Variants in SIGLEC12 observed in about 807,000 individuals in gnomAD.
The protein encoded by SIGLEC12 is sialic acid-binding Ig-like lectin 12.
In SIGLEC12, 43 loss-of-function variants were observed where a neutral mutation model predicts 54.1. The ratio of observed to expected loss-of-function variants is 0.80; its 90% CI spans 0.62 to 1.03. The LOEUF (loss-of-function observed/expected upper bound fraction) is 1.03. Among genes scored for constraint, SIGLEC12 ranks in the 50% least tolerant of loss-of-function variants. SIGLEC12 has a pLI of 0.00. For synonymous variants in SIGLEC12, 357 were observed against 307.6 expected (o/e 1.16, Z -1.68); for missense variants, 802 against 735.2 (o/e 1.09, Z -1.05).
chr19:51,496,056 T>C (rs1568529321), intron 7 of SIGLEC12, among the ~76,000 whole-genome samples: 2 of 152,194 alleles, frequency 1.3e-5, no homozygotes, highest in Non-Finnish European at 2.9e-5. Flanking sequence ...GGGCTGGGAT[T>C]GGAGCAAAGC....
chr19:51,501,232 A>T, intron 1 of SIGLEC12, 75 bp downstream of exon 1: 1 of 1,481,004 alleles, frequency 6.8e-7, no homozygotes, highest in African/African-American at 1.4e-5. Flanking sequence ...CTCCCAGGAC[A>T]TGTGTCCCGT....
chr19:51,496,738 C>G, intron 7 of SIGLEC12, 142 bp downstream of exon 7: 1 of 840,990 alleles, frequency 1.2e-6, no homozygotes, highest in Non-Finnish European at 1.9e-6. Flanking sequence ...GCAATGAAAG[C>G]TGTTCTTAGG....
chr19:51,499,147 C>A (rs1990321543), intron 4 of SIGLEC12, 23 bp downstream of exon 4: 2 of 1,613,366 alleles, frequency 1.2e-6, no homozygotes, highest in Non-Finnish European at 1.7e-6. Flanking sequence ...TCCTCCAGCC[C>A]CAGGGAGAGG....
rs139765594 is a variant in SIGLEC12, at chr19:51,501,397, C to G, written c.337G>C (p.Glu113Gln). 6.2e-7 allele frequency: 1 copy of G among 1,614,122 alleles called. No individual in the cohort carries two copies. The highest frequency in any genetic ancestry group is 8.5e-7 in the Non-Finnish European group (1 of 1,180,048). Residue 113 changes from glutamate to glutamine, a missense_variant, in exon 1 of 8, where the codon GAG becomes CAG. By Grantham distance (29) the Glu-to-Gln change is conservative. Coordinates refer to ENST00000291707, the MANE Select transcript of SIGLEC12 (RefSeq NM_053003.4). ...AAGACGTATGTCCCTGCATCACTCT[C>G]TCTGGTGTCTCTGATGCTCAGGGTA... ...DCTLSIRDTR[E>Q]SDAGTYVFCV...
At chr19:51,498,953 C>A (rs1230240344) in intron 4 of SIGLEC12, among the ~76,000 whole-genome samples, 1 of 152,160 alleles carries the variant, frequency 6.6e-6, no homozygotes, top group East Asian at 1.9e-4. Context: ...TGTCCCTCTA[C>A]CCTTGCTGTG....
chr19:51,499,765 T>C lies in SIGLEC12; in HGVS notation c.809-49A>G, dbSNP rs376648193. ...AAAATGAGGGTGTTGGGGTCTGAAG[T>C]GTGGTGCTGAGGAGGCTCAGGCTCT... is the stretch of plus-strand genomic sequence containing the variant. On this transcript the variant is annotated intron_variant, in intron 2 of 7. Transcript: ENST00000291707. 127 of 1,601,848 alleles carry C rather than the reference T, an allele frequency of 7.9e-5. 1 individual carries two copies. In the African/African-American group the frequency reaches 1.4e-3, roughly 18 times the overall value.
Position 51,498,065 on chromosome 19 carries a change from C to T in SIGLEC12, c.1358G>A (p.Gly453Asp). The T allele has an allele frequency of 6.2e-7, 1 of 1,614,220 alleles. No homozygotes were observed. Among genetic ancestry groups the T allele is most frequent in the Non-Finnish European group, 8.5e-7 (1 of 1,180,042 alleles). ...GAGGCTCAGGGAAATGTGCTGGGAG[C>T]CTAGAGGGTTCTGAGCTCGGCAGGT... is the stretch of plus-strand genomic sequence containing the variant. ...EFTCRAQNPL[G>D]SQHISLSLSL... The change falls in exon 5 of 8, where the codon GGC becomes GAC. Residue 453 changes from glycine (G) to aspartate (D), a missense_variant. Transcript: ENST00000291707.
At chr19:51,497,029 G>C in intron 6 of SIGLEC12, 53 bp from the exon 7 acceptor site, 2 of 1,611,790 alleles carry the variant, frequency 1.2e-6, no homozygotes, top group Non-Finnish European at 1.7e-6. Flanking sequence ...GGGTGCAGTG[G>C]GCAGACCAAC....
At chr19:51,494,246 T>TA (rs1042885810) in intron 7 of SIGLEC12, among the ~76,000 whole-genome samples, 11 of 152,072 alleles carry the variant, frequency 7.2e-5, no homozygotes, top group Admixed American at 6.6e-4. Flanking sequence ...CAGAATATAT[T>TA]AAAAAAATTC....
intron 7 of SIGLEC12, among the ~76,000 whole-genome samples, chr19:51,492,755 G>T (rs1990140432): frequency 1.3e-5 from 2 of 152,288 alleles, no homozygotes; most frequent in Non-Finnish European, 2.9e-5. Context: ...AGCTGGAAAA[G>T]GTGAGAAAGC....
chr19:51,500,142 C>A lies in SIGLEC12; in HGVS notation c.586G>T (p.Asp196Tyr). The A allele has an allele frequency of 6.2e-7, 1 of 1,614,138 alleles. No individual in the cohort carries two copies. The highest frequency in any genetic ancestry group is 1.1e-5 in the South Asian group (1 of 91,084). ...VYGSWFKEGA[D>Y]IPWDIPVATN... is the part of the protein sequence containing the mutation. The stretch of plus-strand genomic sequence containing the variant: ...GCCACTGGAATATCCCATGGTATAT[C>A]GGCCCCTTCCTTGAACCAGGATCCA... Residue 196 changes from aspartate to tyrosine, a missense_variant, in exon 2 of 8, where the codon GAT becomes TAT. Asp to Tyr is a radical substitution (Grantham distance 160). Transcript: ENST00000291707.
At position 51,499,240 on chromosome 19, in the gene SIGLEC12, T is replaced by C. The variant is rs924251783; in HGVS notation, c.1088-23A>G. ...GATCTGGAACAGAAAGACACGGAGT[T>C]CCCATCACTTTGAGGACTGGGGACA... On this transcript the variant is annotated intron_variant, in intron 3 of 7. Transcript: ENST00000291707. The C allele has an allele frequency of 1.9e-6, 3 of 1,613,014 alleles. No individual in the cohort carries two copies. The African/African-American group carries it at 4.0e-5, about 22-fold the overall frequency.
At position 51,491,681 on chromosome 19, in the gene SIGLEC12, G is replaced by T. The variant is rs1599948488; in HGVS notation, c.1748C>A (p.Ala583Asp). The change falls in exon 8 of 8, where the codon GCC (alanine) becomes GAC (aspartate). Residue 583 changes from alanine (A) to aspartate (D), a missense_variant. By Grantham distance (126) the Ala-to-Asp change is moderately radical. Transcript: ENST00000291707. ...GATCTCGGAGTACTCATAGCCGATGGCCTCCTGTTCCTGTGGGTACTGAGG... is the reference window on the plus strand; with the variant it reads ...GATCTCGGAGTACTCATAGCCGATGTCCTCCTGTTCCTGTGGGTACTGAGG... ...ARPQYPQEQE[A>D]IGYEYSEINI... The T allele has an allele frequency of 1.2e-6, 2 of 1,613,342 alleles. No homozygotes were observed. Among genetic ancestry groups the T allele is most frequent in the South Asian group, 1.1e-5 (1 of 91,034 alleles).
intron 1 of SIGLEC12, 36 bp from the exon 2 acceptor site, chr19:51,500,336 T>A: frequency 6.2e-7 from 1 of 1,613,982 alleles, no homozygotes; most frequent in Non-Finnish European, 8.5e-7. Context: ...GCCCCCACTG[T>A]CCCTCTCTTC....
chr19:51,497,416 G>A lies in SIGLEC12; in HGVS notation c.1435C>T (p.Leu479=). Residue 479 remains leucine (L), a synonymous_variant, in exon 6 of 8, where the codon CTA becomes TTA. Coordinates refer to ENST00000291707, the MANE Select transcript of SIGLEC12 (RefSeq NM_053003.4). ...GCTCCAGCTCCCCCGAATGCCCCTA[G>A]CGTCACTCCTGATATAGGCCTCATT... is the stretch of plus-strand genomic sequence containing the variant. ...GKMRPISGVT[L]GAFGGAGATA... 2.5e-6 allele frequency: 4 copies of A among 1,613,176 alleles called. No homozygotes were observed. The highest frequency in any genetic ancestry group is 2.5e-6 in the Non-Finnish European group (3 of 1,179,326).
chr19:51,495,405 G>A lies in SIGLEC12; in HGVS notation c.1599+1475C>T, dbSNP rs773341068. ...GATGGATGGATGGATGGATGGGTGG[G>A]TGGGTGGGTGGATGGATGGATGGAT... On this transcript the variant is annotated intron_variant, in intron 7 of 7. Transcript: ENST00000291707. Among the ~76,000 whole-genome samples, 34 of 89,318 alleles carry A rather than the reference G, an allele frequency of 3.8e-4. 4 individuals are homozygous for A. The highest frequency in any genetic ancestry group is 6.3e-4 in the Non-Finnish European group (27 of 42,772). The allele number at this position is 89,318 out of a possible 152,430, so 58.6% of individuals were successfully genotyped here. A position where few individuals can be genotyped will look rare whatever the true frequency, so the allele number is the denominator to read the frequency against.
Position 51,496,902 on chromosome 19 carries a change from G to A in SIGLEC12, c.1577C>T (p.Ala526Val), listed in dbSNP as rs149927861. The change falls in exon 7 of 8, where the codon GCT becomes GTT. Residue 526 changes from alanine (A) to valine (V), a missense_variant. By Grantham distance (64) the Ala-to-Val change is moderately conservative. Coordinates refer to ENST00000291707, the MANE Select transcript of SIGLEC12 (RefSeq NM_053003.4). ...VGDTGMEDANAVRGSASQGPL... is the reference protein window; with the variant it reads ...VGDTGMEDANVVRGSASQGPL... ...CACCTGAGAGGCTGAGCCCCTGACA[G>A]CGTTTGCGTCCTCCATGCCTGTATC... is the stretch of plus-strand genomic sequence containing the variant. 871 of 1,614,062 alleles carry A rather than the reference G, an allele frequency of 5.4e-4. 2 individuals are homozygous for A. Among genetic ancestry groups the A allele is most frequent in the Non-Finnish European group, 6.9e-4 (819 of 1,179,998 alleles).
chr19:51,499,954 G>T lies in SIGLEC12; in HGVS notation c.774C>A (p.Asn258Lys), dbSNP rs1407631496. The T allele has an allele frequency of 6.2e-7, 1 of 1,613,792 alleles. No individual in the cohort carries two copies. The change falls in exon 2 of 8, where the codon AAC becomes AAA. Residue 258 changes from asparagine to lysine, a missense_variant. Coordinates refer to ENST00000291707, the MANE Select transcript of SIGLEC12 (RefSeq NM_053003.4). Reference sequence around the variant, plus strand: ...GCACAGAGAGCTTGTCATATATGTAGTTCCATTTCCTGCTTCCTCTCTCCA... The same window carrying T: ...GCACAGAGAGCTTGTCATATATGTATTTCCATTTCCTGCTTCCTCTCTCCA... The part of the protein sequence containing the change: ...FQVERGSRKW[N>K]YIYDKLSVHV...
rs550202383 is a variant in SIGLEC12, at chr19:51,496,383, TG to T, written c.1599+496del. Among the ~76,000 whole-genome samples the T allele has an allele frequency of 2.5e-3, 385 of 152,264 alleles. 3 individuals carry two copies. The highest frequency in any genetic ancestry group is 9.0e-3 in the African/African-American group (375 of 41,542). On this transcript the variant is annotated intron_variant, in intron 7 of 7. Coordinates refer to ENST00000291707, the MANE Select transcript of SIGLEC12 (RefSeq NM_053003.4). ...CTCGAGAGACTGAGGCAGAATTACT[TG>T]AACCCGGGAGGTGGAGGTTGTGGTG...
Sources: allele counts gnomAD v4.1 joint callset (sites outside exome capture counted in the v4.1 genomes callset), GRCh38; gene constraint gnomAD v4.1.1; transcripts MANE v1.5; gene names NCBI Gene and HGNC (gene_info 2026-07-23, HGNC 2026-07-21).